PCBP3: variants seen among roughly 807,000 people sequenced by gnomAD.
The protein encoded by PCBP3 is poly(rC) binding protein 3, also known as poly(rC)-binding protein 3.
PCBP3 carries 25 observed loss-of-function variants against 52.7 expected under a neutral mutation model. That is an observed-to-expected ratio of 0.47 (90% CI 0.35 to 0.66). The LOEUF is 0.66. Among genes scored for constraint, PCBP3 ranks in the 30% least tolerant of loss-of-function variants. The probability of loss-of-function intolerance (pLI) is 0.01; values close to 1 mark genes in which losing one functional copy is unlikely to be tolerated. For missense variants in PCBP3, 391 were observed against 490.3 expected, an observed-to-expected ratio of 0.80 and a Z score of 1.91; for synonymous variants, 162 against 183.0, an observed-to-expected ratio of 0.89 and a Z score of 0.93.
At chr21:45,913,781 G>A (rs1036482427) in intron 11 of PCBP3, among the ~76,000 whole-genome samples, 170 bp from the exon 12 acceptor site, 1 of 152,162 alleles carries the variant, frequency 6.6e-6, no homozygotes, top group African/African-American at 2.4e-5. Flanking sequence ...GGGTGTGGGG[G>A]CTGGAGGTCT....
At chr21:45,650,423 A>C (rs867877603) in intron 1 of PCBP3, among the ~76,000 whole-genome samples, 3 of 152,186 alleles carry the variant, frequency 2.0e-5, no homozygotes, top group Non-Finnish European at 4.4e-5. Context: ...ATTTGGTATC[A>C]ACATGATACT....
chr21:45,909,465 C>G lies in PCBP3; in HGVS notation c.450C>G (p.Ser150=). 6.2e-7 allele frequency: 1 copy of G among 1,613,256 alleles called. No homozygotes were observed. Among genetic ancestry groups the G allele is most frequent in the Non-Finnish European group, 8.5e-7 (1 of 1,179,720 alleles). Residue 150 remains serine (S), a synonymous_variant, in exon 10 of 18, where the codon TCC becomes TCG. Transcript: ENST00000681687. ...GGTCCCTGATCGGCAAAGGAGGCTC[C>G]AAGATCAAGGAGATCAGGGAGGTAA... is the stretch of plus-strand genomic sequence containing the variant. ...QCGSLIGKGG[S]KIKEIRESTG...
chr21:45,909,281 A>G, intron 9 of PCBP3, 74 bp from the exon 10 acceptor site: 1 of 1,483,734 alleles, frequency 6.7e-7, no homozygotes, highest in East Asian at 2.3e-5. Flanking sequence ...GGAAGTCAGG[A>G]CACACCCCCT....
intron 2 of PCBP3, among the ~76,000 whole-genome samples, chr21:45,713,299 GCT>G (rs1449635980): frequency 6.6e-6 from 1 of 152,026 alleles, no homozygotes; most frequent in Non-Finnish European, 1.5e-5. Flanking sequence ...TGGCTTGTAG[GCT>G]CTCTCTCTAG....
Position 45,802,227 on chromosome 21 carries a change from A to G in PCBP3, c.-126+46775A>G, listed in dbSNP as rs2092333563. Among the ~76,000 whole-genome samples, 1 of 152,144 alleles carries G rather than the reference A, an allele frequency of 6.6e-6. No homozygotes were observed. Among genetic ancestry groups the G allele is most frequent in the African/African-American group, 2.4e-5 (1 of 41,432 alleles). ...GGCGCTGTTTCTGCCCTGTCATGCA[A>G]GTGGGCTGGGTGCAGAGGCTCACAG... On this transcript the variant is annotated intron_variant, in intron 4 of 17. Transcript: ENST00000681687. This position sits in a 1 kb window ranked among gnomAD's most constrained non-coding sequence, Gnocchi z 5.1.
At chr21:45,935,493 ATG>A in intron 16 of PCBP3, 188 bp downstream of exon 16, 2 of 693,248 alleles carry the variant, frequency 2.9e-6, no homozygotes, top group Non-Finnish European at 5.3e-6. Context: ...ATAAAAAGTT[ATG>A]TGTTTTTACA....
intron 5 of PCBP3, among the ~76,000 whole-genome samples, chr21:45,864,461 T>C (rs1207217792): frequency 6.6e-6 from 1 of 152,196 alleles, no homozygotes; most frequent in Non-Finnish European, 1.5e-5. Context: ...GTTGAGAAAA[T>C]GATGCTGAGT....
chr21:45,726,305 A>G (rs927477291), intron 2 of PCBP3, among the ~76,000 whole-genome samples: 2 of 152,068 alleles, frequency 1.3e-5, no homozygotes, highest in East Asian at 3.9e-4. Flanking sequence ...CAAGGAGATT[A>G]ATTTAGGAAA....
chr21:45,705,707 T>C (rs1052757255), intron 2 of PCBP3, among the ~76,000 whole-genome samples: 5 of 152,308 alleles, frequency 3.3e-5, no homozygotes, highest in Non-Finnish European at 5.9e-5. Flanking sequence ...ATTTCAGGCA[T>C]GAGGGTCACA....
chr21:45,646,107 C>CTCTGTGTGTGTGTGTGTGTGTG lies in PCBP3; in HGVS notation c.-279+2240_-279+2241insCTGTGTGTGTGTGTGTGTGTGT, dbSNP rs1555895746. ...TTTCTCTCTCTCTCTCTCTCTCTCTCTGTGTGTGTGTGTGTGTGTGTGTGT... is the reference window on the plus strand; with the variant it reads ...TTTCTCTCTCTCTCTCTCTCTCTCTCTCTGTGTGTGTGTGTGTGTGTGTGTGTGTGTGTGTGTGTGTGTGTGT... On this transcript the variant is annotated intron_variant, in intron 1 of 17. Coordinates refer to ENST00000681687, the MANE Select transcript of PCBP3 (RefSeq NM_001384156.1). 1.3e-4 allele frequency among the ~76,000 whole-genome samples: 11 copies of CTCTGTGTGTGTGTGTGTGTGTG among 83,824 alleles called. No homozygotes were observed. The East Asian group carries it at 3.1e-3, about 24-fold the overall frequency. The allele number at this position is 83,824 out of a possible 152,430, so 55.0% of individuals were successfully genotyped here.
intron 5 of PCBP3, among the ~76,000 whole-genome samples, chr21:45,873,593 C>T (rs2095125176): frequency 6.6e-6 from 1 of 152,184 alleles, no homozygotes; most frequent in Admixed American, 6.5e-5. Context: ...TTGAGACGCA[C>T]AGCACCCAAG....
At chr21:45,730,878 T>G (rs1473157024) in intron 2 of PCBP3, among the ~76,000 whole-genome samples, 1 of 152,146 alleles carries the variant, frequency 6.6e-6, no homozygotes, top group Admixed American at 6.5e-5. Flanking sequence ...CATGTCACAT[T>G]TTTTCCCATC....
chr21:45,698,669 G>A (rs1454696337), intron 2 of PCBP3, among the ~76,000 whole-genome samples: 1 of 152,246 alleles, frequency 6.6e-6, no homozygotes, highest in Non-Finnish European at 1.5e-5. Context: ...TTGCTGCACT[G>A]CTGGCAAACA....
chr21:45,805,801 G>A lies in PCBP3; in HGVS notation c.-125-44160G>A, dbSNP rs138652473. Among the ~76,000 whole-genome samples the A allele has an allele frequency of 4.2e-3, 636 of 152,130 alleles. 2 individuals carry two copies. Among genetic ancestry groups the A allele is most frequent in the Middle Eastern group, 0.01 (3 of 294 alleles). ...ACACTGGAGTGGTCCTGAGGAAAGC[G>A]CGCTCCTGTCTTTCTGTGGCAGCGA... On this transcript the variant is annotated intron_variant, in intron 4 of 17. Coordinates refer to ENST00000681687, the MANE Select transcript of PCBP3 (RefSeq NM_001384156.1). The surrounding 1 kb of genome is among the most constrained non-coding windows in gnomAD (Gnocchi z 4.6).
chr21:45,858,635 C>G (rs944199037), intron 5 of PCBP3: 2 of 152,194 alleles, frequency 1.3e-5, no homozygotes, highest in East Asian at 3.9e-4. Flanking sequence ...CTGAACTCCT[C>G]GTCATAGTGG....
At chr21:45,646,083 T>TTCTCTCTC (rs1164554233) in intron 1 of PCBP3, among the ~76,000 whole-genome samples, 32 of 99,600 alleles carry the variant, frequency 3.2e-4, no homozygotes, top group Non-Finnish European at 5.3e-4. Context: ...CTCTCTCTCT[T>TTCTCTCTC]TCTCTCTCTC....
At chr21:45,784,617 C>T (rs1046813902) in intron 4 of PCBP3, among the ~76,000 whole-genome samples, 15 of 152,220 alleles carry the variant, frequency 9.9e-5, no homozygotes, top group Non-Finnish European at 1.8e-4. Context: ...CGCGCCGCCA[C>T]GCCTGACTGG....
Position 45,791,570 on chromosome 21 carries a change from C to T in PCBP3, c.-126+36118C>T, listed in dbSNP as rs761623301. Among the ~76,000 whole-genome samples, 4 of 152,104 alleles carry T rather than the reference C, an allele frequency of 2.6e-5. No individual in the cohort carries two copies. Among genetic ancestry groups the T allele is most frequent in the Non-Finnish European group, 5.9e-5 (4 of 67,996 alleles). Reference sequence around the variant, plus strand: ...TGGGCTAGGGAAGGAGAGAAGCTCGCGAGGGAGGTGTGCAACAGCCGGAAG... The same window carrying T: ...TGGGCTAGGGAAGGAGAGAAGCTCGTGAGGGAGGTGTGCAACAGCCGGAAG... On this transcript the variant is annotated intron_variant, in intron 4 of 17. Coordinates refer to ENST00000681687, the MANE Select transcript of PCBP3 (RefSeq NM_001384156.1). The surrounding 1 kb of genome is among the most constrained non-coding windows in gnomAD (Gnocchi z 4.2).
intron 4 of PCBP3, among the ~76,000 whole-genome samples, chr21:45,758,159 G>A (rs2088254647): frequency 6.6e-6 from 1 of 152,246 alleles, no homozygotes; most frequent in Non-Finnish European, 1.5e-5. Context: ...AAAGTGGCGT[G>A]AGCCACCGTG....
Sources: gnomAD v4.1 joint callset for allele counts (sites outside exome capture counted in the v4.1 genomes callset) on GRCh38, gnomAD v4.1.1 for gene constraint, Gnocchi (gnomAD v3.1) non-coding constraint, MANE v1.5 for transcripts, NCBI Gene and HGNC (gene_info 2026-07-23, HGNC 2026-07-21) for gene names.